The following RBP2 variants were observed in gnomAD, a reference collection of about 807,000 sequenced individuals.
RBP2 encodes retinol-binding protein 2.
In RBP2, 17 loss-of-function variants were observed where a neutral mutation model predicts 17.0. That is an observed-to-expected ratio of 1.00 (90% CI 0.68 to 1.50). The LOEUF (loss-of-function observed/expected upper bound fraction) is 1.50. Ranked by LOEUF, RBP2 falls within the 40% of genes most tolerant of loss-of-function variation. RBP2 has a pLI of 0.00. For synonymous variants in RBP2, 48 were observed against 57.1 expected, an observed-to-expected ratio of 0.84 and a Z score of 0.72; for missense variants, 158 against 168.2, an observed-to-expected ratio of 0.94 and a Z score of 0.33.
At chr3:139,470,108 GT>G (rs1399677872) in intron 1 of RBP2, among the ~76,000 whole-genome samples, 1 of 152,154 alleles carries the variant, frequency 6.6e-6, no homozygotes, top group East Asian at 1.9e-4. Context: ...CCATTTGAAT[GT>G]GTAACATATC....
intron 1 of RBP2, among the ~76,000 whole-genome samples, chr3:139,463,810 T>C (rs762563306): frequency 6.6e-6 from 1 of 152,206 alleles, no homozygotes; most frequent in Non-Finnish European, 1.5e-5. Flanking sequence ...CCAATTTAAA[T>C]CTTTAATATT....
At chr3:139,464,782 G>T (rs1933304148) in intron 1 of RBP2, among the ~76,000 whole-genome samples, 2 of 152,220 alleles carry the variant, frequency 1.3e-5, no homozygotes, top group South Asian at 2.1e-4. Context: ...TATTTGTTGA[G>T]TACCTTCCAT....
At chr3:139,461,226 C>A (rs559351606) in intron 2 of RBP2, among the ~76,000 whole-genome samples, 1 of 152,290 alleles carries the variant, frequency 6.6e-6, no homozygotes, top group South Asian at 2.1e-4. Context: ...AGCACCTCTC[C>A]ACTTCTCCCT....
At chr3:139,463,802 A>G (rs1432401643) in intron 1 of RBP2, among the ~76,000 whole-genome samples, 4 of 152,186 alleles carry the variant, frequency 2.6e-5, no homozygotes, top group Admixed American at 2.6e-4. Flanking sequence ...TTTAGATGCC[A>G]ATTTAAATCT....
chr3:139,472,873 G>A (rs1185555806), intron 1 of RBP2, among the ~76,000 whole-genome samples: 1 of 152,182 alleles, frequency 6.6e-6, no homozygotes, highest in Non-Finnish European at 1.5e-5. Context: ...TTCCAGGGTT[G>A]GTTCTGCTTC....
At chr3:139,472,672 T>C (rs758719725) in intron 1 of RBP2, among the ~76,000 whole-genome samples, 9 of 152,110 alleles carry the variant, frequency 5.9e-5, no homozygotes, top group Non-Finnish European at 1.3e-4. Context: ...TGCTGCCCAA[T>C]TGCAACCAAA....
chr3:139,473,180 C>T (rs1003862710), intron 1 of RBP2, among the ~76,000 whole-genome samples: 1 of 152,210 alleles, frequency 6.6e-6, no homozygotes, highest in Non-Finnish European at 1.5e-5. Context: ...GTGAGAAACA[C>T]CAGGTGCCTA....
In RBP2 at chr3:139,454,718, C is replaced by T; in HGVS notation, c.354+11G>A. 1 of 1,612,962 alleles carries T rather than the reference C, an allele frequency of 6.2e-7. No individual in the cohort carries two copies. The highest frequency in any genetic ancestry group is 8.5e-7 in the Non-Finnish European group (1 of 1,178,948). On this transcript the variant is annotated intron_variant, in intron 3 of 3. Coordinates refer to ENST00000232217, the MANE Select transcript of RBP2 (RefSeq NM_004164.3). Reference sequence around the variant, plus strand: ...ACAATGGAAGTGAGCTGAGCAGAACCCAGTACTTACCAGGTACAGCTTGTC... The same window carrying T: ...ACAATGGAAGTGAGCTGAGCAGAACTCAGTACTTACCAGGTACAGCTTGTC...
intron 1 of RBP2, among the ~76,000 whole-genome samples, chr3:139,472,698 A>G (rs1205538023): frequency 6.6e-6 from 1 of 152,260 alleles, no homozygotes; most frequent in Non-Finnish European, 1.5e-5. Context: ...GACTTTGAGC[A>G]GGAACCATTG....
chr3:139,465,448 G>A (rs1023181750), intron 1 of RBP2, among the ~76,000 whole-genome samples: 2 of 151,956 alleles, frequency 1.3e-5, no homozygotes, highest in African/African-American at 2.4e-5. Flanking sequence ...ATTTTGCCAC[G>A]GCGGAAAAAC....
intron 1 of RBP2, among the ~76,000 whole-genome samples, chr3:139,467,146 A>C (rs771606986): frequency 5.3e-5 from 8 of 152,210 alleles, no homozygotes; most frequent in Non-Finnish European, 1.0e-4. Flanking sequence ...GGCAAATAGT[A>C]GGTACTCAAG....
At chr3:139,459,400 A>ATATATGTGTGTGTGTGTGTGTGTGTGTG (rs111417242) in intron 2 of RBP2, among the ~76,000 whole-genome samples, 1 of 128,552 alleles carries the variant, frequency 7.8e-6, no homozygotes, top group Non-Finnish European at 1.6e-5. Flanking sequence ...TACTATATAT[A>ATATATGTGTGTGTGTGTGTGTGTGTGTG]TGTGTGTGTG....
intron 1 of RBP2, among the ~76,000 whole-genome samples, chr3:139,470,007 C>T (rs374387122): frequency 6.6e-6 from 1 of 152,212 alleles, no homozygotes; most frequent in African/African-American, 2.4e-5. Flanking sequence ...CTGGATTCCT[C>T]ACCCCATAAA....
intron 1 of RBP2, among the ~76,000 whole-genome samples, chr3:139,464,748 C>A (rs1049184275): frequency 6.6e-6 from 1 of 152,180 alleles, no homozygotes; most frequent in Non-Finnish European, 1.5e-5. Context: ...AATGCCAGTG[C>A]CTTGCTCACC....
intron 1 of RBP2, among the ~76,000 whole-genome samples, chr3:139,472,345 C>A (rs1933595980): frequency 6.6e-6 from 1 of 152,258 alleles, no homozygotes; most frequent in Non-Finnish European, 1.5e-5. Flanking sequence ...GCTGTTCTTA[C>A]AATGCAACCT....
intron 1 of RBP2, among the ~76,000 whole-genome samples, chr3:139,471,648 G>C (rs1171023238): frequency 1.3e-5 from 2 of 152,152 alleles, no homozygotes; most frequent in African/African-American, 4.8e-5. Context: ...CTAATTTTTG[G>C]ACACATGCTT....
intron 2 of RBP2, among the ~76,000 whole-genome samples, chr3:139,457,476 C>T (rs1416415416): frequency 1.3e-5 from 2 of 152,134 alleles, no homozygotes; most frequent in Non-Finnish European, 2.9e-5. Context: ...GTGCATGGGC[C>T]TGTCCTAATA....
At chr3:139,465,888 A>G (rs1458868305) in intron 1 of RBP2, among the ~76,000 whole-genome samples, 6 of 152,174 alleles carry the variant, frequency 3.9e-5, no homozygotes, top group Non-Finnish European at 7.3e-5. Flanking sequence ...GAGCACGTCC[A>G]AGTCACATAG....
Position 139,462,275 on chromosome 3 carries a change from G to T in RBP2, c.89C>A (p.Thr30Asn). Residue 30 changes from threonine to asparagine, a missense_variant, in exon 2 of 4, where the codon ACC becomes AAC. By Grantham distance (65) the Thr-to-Asn change is moderately conservative. Transcript: ENST00000232217. Reference sequence around the variant, plus strand: ...AGTGAGACGTACTGCAATCTTGCGGGTGGCAAAATCAATATCTGTTGGCAA... The same window carrying T: ...AGTGAGACGTACTGCAATCTTGCGGTTGGCAAAATCAATATCTGTTGGCAA... ...YMKALDIDFA[T>N]RKIAVRLTQT... 2 of 1,614,080 alleles carry T rather than the reference G, an allele frequency of 1.2e-6. No homozygotes were observed. Among genetic ancestry groups the T allele is most frequent in the Non-Finnish European group, 1.7e-6 (2 of 1,180,006 alleles).
Sources: gnomAD v4.1 joint callset for allele counts (sites outside exome capture counted in the v4.1 genomes callset) on GRCh38, gnomAD v4.1.1 for gene constraint, MANE v1.5 for transcripts, NCBI Gene and HGNC (gene_info 2026-07-23, HGNC 2026-07-21) for gene names.